The following NBPF11 variants were observed in gnomAD, a reference collection of about 807,000 sequenced individuals.
NBPF11 encodes the protein NBPF family member NBPF11.
A neutral mutation model predicts 93.9 loss-of-function variants in NBPF11; 72 were observed. That is an observed-to-expected ratio of 0.77 (90% confidence interval 0.63 to 0.93). The LOEUF is 0.93. Ranked by LOEUF, NBPF11 falls within the 40% of genes least tolerant of loss-of-function variation. NBPF11 has a pLI of 0.00. For missense variants in NBPF11, 705 were observed against 802.2 expected (o/e 0.88, Z 1.46); for synonymous variants, 224 against 304.9 (o/e 0.73, Z 2.76).
At chr1:148,119,806 C>A (rs1161067762) in intron 10 of NBPF11, among the ~76,000 whole-genome samples, 1 of 151,898 alleles carries the variant, frequency 6.6e-6, no homozygotes, top group African/African-American at 2.4e-5. Context: ...CAGTCACCTG[C>A]CACCACGCCC....
At chr1:148,111,770 CG>C (rs1468043507) in intron 15 of NBPF11, among the ~76,000 whole-genome samples, 7 of 151,650 alleles carry the variant, frequency 4.6e-5, no homozygotes, top group African/African-American at 1.7e-4. Context: ...ACCAAATCTA[CG>C]TTTGATTGGT....
Position 148,103,693 on chromosome 1 carries a change from C to T in NBPF11, c.*203G>A. 3.7e-6 allele frequency: 6 copies of T among 1,611,336 alleles called. No homozygotes were observed. The highest frequency in any genetic ancestry group is 1.3e-5 in the African/African-American group (1 of 74,860). ...CTTATTGTGGGAATATGACTCCCAT[C>T]TGGAAGACCAGGTGGAGACTTCTCA... On this transcript the variant is annotated 3_prime_UTR_variant, in exon 24 of 24. Transcript: ENST00000682118.
chr1:148,142,259 C>T (rs1390952638), intron 2 of NBPF11, among the ~76,000 whole-genome samples: 89 of 151,970 alleles, frequency 5.9e-4, no homozygotes, highest in African/African-American at 2.1e-3. Flanking sequence ...TTAACAGGAA[C>T]ATGCTAACTA....
intron 9 of NBPF11, among the ~76,000 whole-genome samples, chr1:148,121,147 C>T (rs1469879685): frequency 6.6e-6 from 1 of 151,624 alleles, no homozygotes; most frequent in African/African-American, 2.4e-5. Context: ...CGGGTTCAAG[C>T]GATTCTCATC....
chr1:148,111,381 C>G lies in NBPF11; in HGVS notation c.1638-840G>C, dbSNP rs1424505431. ...TCGCAGCTCCTCGCCAGCAATGGAA[C>G]AAAGCAGGATAGAGAATGACTTTGA... On this transcript the variant is annotated intron_variant, in intron 15 of 23. Coordinates refer to ENST00000682118, the MANE Select transcript of NBPF11 (RefSeq NM_001385469.3). Among the ~76,000 whole-genome samples the G allele has an allele frequency of 3.0e-3, 450 of 152,146 alleles. 10 individuals carry two copies. The highest frequency in any genetic ancestry group is 0.027 in the East Asian group (138 of 5,188).
At chr1:148,141,342 G>T (rs1249023086) in intron 2 of NBPF11, among the ~76,000 whole-genome samples, 1 of 152,046 alleles carries the variant, frequency 6.6e-6, no homozygotes. Flanking sequence ...CAATTGTAAC[G>T]AATGGACCAC....
rs1419672443 is a variant in NBPF11 at position 148,108,684 on chromosome 1, G to A, written c.1854-30C>T. 14 of 820,976 alleles carry A rather than the reference G, an allele frequency of 1.7e-5. No homozygotes were observed. In the Admixed American group the frequency reaches 2.4e-4, roughly 14 times the overall value. 50.9% of individuals were successfully genotyped at this position (820,976 alleles called of 1,614,324 possible). The stretch of plus-strand genomic sequence containing the variant: ...AAAAGTGGGAAAAAGTAAAGAATAA[G>A]CCAGGGGGAATCAGAAACCACACAG... On this transcript the variant is annotated intron_variant, in intron 17 of 23. Transcript: ENST00000682118.
intron 15 of NBPF11, among the ~76,000 whole-genome samples, chr1:148,111,226 C>A (rs1382633225): frequency 3.9e-5 from 6 of 152,044 alleles, no homozygotes; most frequent in Admixed American, 3.9e-4. Context: ...AAAAGACATC[C>A]ACCCCAAAAC....
chr1:148,134,080 G>T (rs1177924888), intron 4 of NBPF11, among the ~76,000 whole-genome samples: 20 of 151,946 alleles, frequency 1.3e-4, no homozygotes, highest in Non-Finnish European at 2.4e-4. Context: ...AGCATCTCCC[G>T]CCATGACCTC....
rs1306757464 is a variant in NBPF11, at chr1:148,137,738, C to T, written c.-205G>A. 2 of 148,482 alleles carry T rather than the reference C, an allele frequency of 1.3e-5. No individual in the cohort carries two copies. The highest frequency in any genetic ancestry group is 3.0e-5 in the Non-Finnish European group (2 of 67,386). The allele number at this position is 148,482 out of a possible 1,614,324, so 9.2% of individuals were successfully genotyped here. A position where few individuals can be genotyped will look rare whatever the true frequency, so the allele number is the denominator to read the frequency against. On this transcript the variant is annotated 5_prime_UTR_variant, in exon 3 of 24. Transcript: ENST00000682118. The stretch of plus-strand genomic sequence containing the variant: ...TTATGTGGCTGTTCCAGAGCCCTTG[C>T]CACCTGAAGAAGACAATGAGGGGTA...
rs1476983531 is a variant in NBPF11, at chr1:148,144,570, AT to A, written c.-548-885del. 9.2e-5 allele frequency among the ~76,000 whole-genome samples: 14 copies of A among 152,006 alleles called. 1 individual carries two copies. The highest frequency in any genetic ancestry group is 3.4e-4 in the African/African-American group (14 of 41,250). On this transcript the variant is annotated intron_variant, in intron 1 of 23. Transcript: ENST00000682118. ...TCCAGGAGCTTATATTGAAAATGAG[AT>A]TGAACACATACAAAAAAAAATAATA...
chr1:148,148,780 G>C (rs1259324395), intron 1 of NBPF11, among the ~76,000 whole-genome samples: 1 of 152,016 alleles, frequency 6.6e-6, no homozygotes, highest in Non-Finnish European at 1.5e-5. Flanking sequence ...CGGGCAGGAA[G>C]GTATGAAGCA....
intron 7 of NBPF11, 60 bp from the exon 8 acceptor site, chr1:148,122,861 G>T (rs1404532316): frequency 6.8e-6 from 11 of 1,607,212 alleles, no homozygotes; most frequent in Non-Finnish European, 8.5e-7. Context: ...AGCACAGTCA[G>T]CCCAACGTGC....
chr1:148,149,461 G>A, intron 1 of NBPF11: 11 of 1,589,460 alleles, frequency 6.9e-6, no homozygotes, highest in Middle Eastern at 2.3e-4. Context: ...CGGTGGAGCC[G>A]CTGTGGGTGG....
At chr1:148,120,861 C>T (rs2149229923) in intron 9 of NBPF11, 151 bp from the exon 10 acceptor site, 1 of 707,432 alleles carries the variant, frequency 1.4e-6, no homozygotes. Flanking sequence ...CAGTCTTGAT[C>T]TCCTTTAAGT....
intron 14 of NBPF11, among the ~76,000 whole-genome samples, chr1:148,115,164 C>CAA (rs57869119): frequency 2.5e-4 from 3 of 12,160 alleles, no homozygotes; most frequent in African/African-American, 4.9e-4. Context: ...GACTCCATCA[C>CAA]AAAAAAAAAA....
chr1:148,132,272 T>C (rs1481128199), intron 4 of NBPF11, among the ~76,000 whole-genome samples: 1 of 147,214 alleles, frequency 6.8e-6, no homozygotes, highest in South Asian at 2.1e-4. Context: ...TGTATACATA[T>C]ATATATGTCC....
chr1:148,138,510 C>T lies in NBPF11; in HGVS notation c.-276-701G>A, dbSNP rs1164332491. On this transcript the variant is annotated intron_variant, in intron 2 of 23. Transcript: ENST00000682118. ...CTAGGCAGAGGTCCCTGCAGTCTTCCGCAGTGTAGTGTGTCTCTGGGTACT... is the reference window on the plus strand; with the variant it reads ...CTAGGCAGAGGTCCCTGCAGTCTTCTGCAGTGTAGTGTGTCTCTGGGTACT... Among the ~76,000 whole-genome samples the T allele has an allele frequency of 1.4e-4, 22 of 151,942 alleles. No individual in the cohort carries two copies. In the East Asian group the frequency reaches 1.7e-3, roughly 12 times the overall value.
chr1:148,146,338 C>G (rs1166846612), intron 1 of NBPF11: 2 of 1,422,242 alleles, frequency 1.4e-6, no homozygotes, highest in African/African-American at 3.0e-5. Flanking sequence ...CCGGGCCAGG[C>G]CGGGCGGCGT....
Sources: allele counts gnomAD v4.1 joint callset (sites outside exome capture counted in the v4.1 genomes callset), GRCh38; gene constraint gnomAD v4.1.1; transcripts MANE v1.5; gene names NCBI Gene and HGNC (gene_info 2026-07-23, HGNC 2026-07-21).